DPYSL5: variants seen among roughly 807,000 people sequenced by gnomAD.
The protein encoded by DPYSL5 is dihydropyrimidinase like 5, also known as dihydropyrimidinase-related protein 5.
A neutral mutation model predicts 58.4 loss-of-function variants in DPYSL5; 9 were observed. The ratio of observed to expected loss-of-function variants is 0.15; its 90% CI spans 0.09 to 0.27. The LOEUF (loss-of-function observed/expected upper bound fraction) is 0.27, where lower values mean the gene tolerates loss of function less well. Among genes scored for constraint, DPYSL5 ranks in the 10% least tolerant of loss-of-function variants. DPYSL5 has a pLI of 1.00. For synonymous variants in DPYSL5, 293 were observed against 301.9 expected (o/e 0.97, Z 0.31); for missense variants, 499 against 770.6 (o/e 0.65, Z 4.17).
At chr2:26,893,898 C>T (rs897978445) in intron 1 of DPYSL5, among the ~76,000 whole-genome samples, 2 of 152,020 alleles carry the variant, frequency 1.3e-5, no homozygotes, top group South Asian at 2.1e-4. Context: ...ACTGCAATGG[C>T]GTAATCTCCT....
At chr2:26,862,562 T>C (rs75230053) in intron 1 of DPYSL5, among the ~76,000 whole-genome samples, 3,252 of 152,326 alleles carry the variant, frequency 0.021, 133 homozygotes, top group African/African-American at 0.075. Flanking sequence ...TGGCTCATTT[T>C]GCCCCAGGAA....
intron 2 of DPYSL5, among the ~76,000 whole-genome samples, chr2:26,904,081 G>A (rs1664228757): frequency 6.6e-6 from 1 of 152,220 alleles, no homozygotes; most frequent in Non-Finnish European, 1.5e-5. Context: ...GAGTGCTTGT[G>A]CAGCATGGGA....
chr2:26,886,027 G>T (rs1663709511), intron 1 of DPYSL5, among the ~76,000 whole-genome samples: 1 of 152,156 alleles, frequency 6.6e-6, no homozygotes, highest in South Asian at 2.1e-4. Context: ...AGTGTGTGCT[G>T]CCTGTGGAAC....
At chr2:26,913,539 C>A (rs940276550) in intron 2 of DPYSL5, among the ~76,000 whole-genome samples, 2 of 152,198 alleles carry the variant, frequency 1.3e-5, no homozygotes, top group Non-Finnish European at 2.9e-5. Flanking sequence ...TTGCTACCAC[C>A]TTTTAGCTGC....
chr2:26,937,715 C>T (rs1036902177), intron 8 of DPYSL5, among the ~76,000 whole-genome samples: 12 of 151,548 alleles, frequency 7.9e-5, no homozygotes, highest in Non-Finnish European at 1.5e-4. Context: ...TGGGGCTACA[C>T]GTGTGCACCA....
In DPYSL5 at chr2:26,904,364, G is replaced by A. The variant is rs542415256; in HGVS notation, c.261+5604G>A. 3.9e-5 allele frequency among the ~76,000 whole-genome samples: 6 copies of A among 152,286 alleles called. No homozygotes were observed. The East Asian group carries it at 5.8e-4, about 15-fold the overall frequency. On this transcript the variant is annotated intron_variant, in intron 2 of 12. Transcript: ENST00000288699. Reference sequence around the variant, plus strand: ...CTCGTGGAATGAAGCCTATAAATGTGGCTCACTTCCTTTCTTCTTTTTCTT... The same window carrying A: ...CTCGTGGAATGAAGCCTATAAATGTAGCTCACTTCCTTTCTTCTTTTTCTT...
intron 1 of DPYSL5, among the ~76,000 whole-genome samples, chr2:26,889,152 G>A (rs1663805791): frequency 6.6e-6 from 1 of 152,150 alleles, no homozygotes; most frequent in Admixed American, 6.5e-5. Flanking sequence ...TGCATGTAGT[G>A]AGCCAGAGGG....
chr2:26,910,494 A>T (rs560416158), intron 2 of DPYSL5, among the ~76,000 whole-genome samples: 1 of 151,966 alleles, frequency 6.6e-6, no homozygotes, highest in East Asian at 1.9e-4. Flanking sequence ...ACATGTGCCT[A>T]TATGCCTTCT....
At chr2:26,907,895 C>G (rs1039407927) in intron 2 of DPYSL5, among the ~76,000 whole-genome samples, 1 of 152,168 alleles carries the variant, frequency 6.6e-6, no homozygotes, top group Non-Finnish European at 1.5e-5. Flanking sequence ...CCACAGAGCC[C>G]GCGTAGCCCT....
At chr2:26,866,326 C>T (rs1666138558) in intron 1 of DPYSL5, among the ~76,000 whole-genome samples, 1 of 152,038 alleles carries the variant, frequency 6.6e-6, no homozygotes, top group Non-Finnish European at 1.5e-5. Flanking sequence ...ATAGTTTTCC[C>T]CTGATTTTAT....
chr2:26,923,496 A>C (rs1664753971), intron 2 of DPYSL5, among the ~76,000 whole-genome samples: 1 of 152,182 alleles, frequency 6.6e-6, no homozygotes, highest in Admixed American at 6.5e-5. Flanking sequence ...GAAGTTAAGT[A>C]ACCTGGCAGA....
intron 11 of DPYSL5, among the ~76,000 whole-genome samples, chr2:26,943,095 T>C (rs1228577006): frequency 6.6e-6 from 1 of 152,130 alleles, no homozygotes; most frequent in Non-Finnish European, 1.5e-5. Context: ...GGGCTGGAGA[T>C]GCTGCTTTGG....
intron 2 of DPYSL5, among the ~76,000 whole-genome samples, chr2:26,917,624 G>T (rs1421805068): frequency 2.6e-5 from 4 of 152,150 alleles, no homozygotes; most frequent in Non-Finnish European, 5.9e-5. Context: ...GGGCCAAGTG[G>T]TCAGGTGTCC....
At chr2:26,926,032 G>A (rs750865141) in intron 3 of DPYSL5, among the ~76,000 whole-genome samples, 2 of 152,136 alleles carry the variant, frequency 1.3e-5, no homozygotes, top group East Asian at 3.8e-4. Flanking sequence ...CTTTGAGCTC[G>A]AATAAACTCT....
intron 5 of DPYSL5, among the ~76,000 whole-genome samples, chr2:26,931,355 A>G (rs1003881932): frequency 2.0e-5 from 3 of 151,234 alleles, no homozygotes; most frequent in African/African-American, 7.3e-5. Flanking sequence ...GAGAGAATAC[A>G]CCAGAAAACA....
In DPYSL5 at chr2:26,942,894, G is replaced by A. The variant is rs1665362924; in HGVS notation, c.1440+144G>A. 7 of 927,688 alleles carry A rather than the reference G, an allele frequency of 7.5e-6. No homozygotes were observed. Among genetic ancestry groups the A allele is most frequent in the Non-Finnish European group, 1.1e-5 (7 of 624,590 alleles). 57.5% of individuals were successfully genotyped at this position (927,688 alleles called of 1,614,324 possible). A position where few individuals can be genotyped will look rare whatever the true frequency, so the allele number is the denominator to read the frequency against. The stretch of plus-strand genomic sequence containing the variant: ...CTTTCTCCAGCGTTGAGAGGGGAGT[G>A]TGCGGCAGCGCCAGGGAACGCTAGA... On this transcript the variant is annotated intron_variant, in intron 11 of 12. Transcript: ENST00000288699. The surrounding 1 kb of genome is among the most constrained non-coding windows in gnomAD (Gnocchi z 5.9).
chr2:26,935,286 A>C (rs781245128), intron 8 of DPYSL5, among the ~76,000 whole-genome samples: 6 of 152,044 alleles, frequency 3.9e-5, no homozygotes, highest in Non-Finnish European at 5.9e-5. Context: ...ATGCAATCCC[A>C]ATCTAAAGGA....
chr2:26,943,556 C>T (rs1052899539), intron 11 of DPYSL5, among the ~76,000 whole-genome samples: 6 of 152,168 alleles, frequency 3.9e-5, no homozygotes, highest in African/African-American at 1.4e-4. Context: ...AGCCACTGTG[C>T]GCGGCCCAAT....
intron 6 of DPYSL5, among the ~76,000 whole-genome samples, chr2:26,932,017 A>AGAAAG (rs1665003319): frequency 7.1e-6 from 1 of 140,954 alleles, no homozygotes; most frequent in African/African-American, 2.7e-5. Context: ...AAAAAAAAAA[A>AGAAAG]AAAAAAAAGA....
Sources: gnomAD v4.1 joint callset for allele counts (sites outside exome capture counted in the v4.1 genomes callset) on GRCh38, gnomAD v4.1.1 for gene constraint, Gnocchi (gnomAD v3.1) non-coding constraint, MANE v1.5 for transcripts, NCBI Gene and HGNC (gene_info 2026-07-23, HGNC 2026-07-21) for gene names.